Variants in KCNJ3 observed in about 807,000 individuals in gnomAD.
KCNJ3 encodes G protein-activated inward rectifier potassium channel 1.
A neutral mutation model predicts 39.2 loss-of-function variants in KCNJ3; 4 were observed. That is an observed-to-expected ratio of 0.10 (90% CI 0.05 to 0.23). The LOEUF is 0.23. Ranked by LOEUF, KCNJ3 falls within the 10% of genes least tolerant of loss-of-function variation. The probability of loss-of-function intolerance (pLI) is 1.00; values close to 1 mark genes in which losing one functional copy is unlikely to be tolerated. For missense variants in KCNJ3, 276 were observed against 634.9 expected (o/e 0.43, Z 6.08); for synonymous variants, 230 against 237.4 (o/e 0.97, Z 0.29).
In KCNJ3 at chr2:154,699,113, A is replaced by G. The variant is rs774894373; in HGVS notation, c.338A>G (p.Asn113Ser). Residue 113 changes from asparagine (N) to serine (S), a missense_variant, in exon 1 of 3, where the codon AAC becomes AGC. Coordinates refer to ENST00000295101, the MANE Select transcript of KCNJ3 (RefSeq NM_002239.4). This position sits in a 1 kb window ranked among gnomAD's most constrained non-coding sequence, Gnocchi z 6.4. ...ATCGCCTACACTCGGGGCGACCTGA[A>G]CAAAGCCCACGTCGGTAACTACACG... The part of the protein sequence containing the change: ...WVIAYTRGDL[N>S]KAHVGNYTPC... 1.9e-6 allele frequency: 3 copies of G among 1,614,112 alleles called. No individual in the cohort carries two copies. In the African/African-American group the frequency reaches 4.0e-5, roughly 22 times the overall value.
At chr2:154,790,473 T>C (rs182595363) in intron 2 of KCNJ3, among the ~76,000 whole-genome samples, 47 of 152,216 alleles carry the variant, frequency 3.1e-4, no homozygotes, top group Admixed American at 9.8e-4. Context: ...CTTGAACTCA[T>C]CTGAGGCTTC....
chr2:154,703,127 A>G (rs1269735445), intron 1 of KCNJ3, among the ~76,000 whole-genome samples: 1 of 116,448 alleles, frequency 8.6e-6, no homozygotes, highest in African/African-American at 3.3e-5. Flanking sequence ...GCAAGAATTA[A>G]TTACTATTCT....
chr2:154,721,803 T>A (rs1264205029), intron 2 of KCNJ3, among the ~76,000 whole-genome samples: 1 of 152,194 alleles, frequency 6.6e-6, no homozygotes, highest in East Asian at 1.9e-4. Context: ...GAAACTGTGA[T>A]TCATTGAGAT....
chr2:154,836,624 T>C (rs2961968), intron 2 of KCNJ3, among the ~76,000 whole-genome samples: 28,923 of 152,084 alleles, frequency 0.19, 3,208 homozygotes, highest in East Asian at 0.4. Flanking sequence ...AAATAATATA[T>C]ATTTGTGATT....
chr2:154,756,740 C>G (rs958250732), intron 2 of KCNJ3, among the ~76,000 whole-genome samples: 1 of 151,926 alleles, frequency 6.6e-6, no homozygotes, highest in African/African-American at 2.4e-5. Context: ...TGCACATGTA[C>G]CCCGGAACTT....
intron 2 of KCNJ3, among the ~76,000 whole-genome samples, chr2:154,712,929 G>T (rs1408902703): frequency 6.6e-6 from 1 of 152,078 alleles, no homozygotes; most frequent in Non-Finnish European, 1.5e-5. Context: ...GTCCAGTCTG[G>T]GGGAAGAGCG....
At chr2:154,782,351 C>T in intron 2 of KCNJ3, among the ~76,000 whole-genome samples, 1 of 152,082 alleles carries the variant, frequency 6.6e-6, no homozygotes, top group East Asian at 1.9e-4. Flanking sequence ...TGAGTTAATA[C>T]ATTTAAGGTA....
intron 2 of KCNJ3, among the ~76,000 whole-genome samples, chr2:154,788,768 AGTT>A (rs1435547257): frequency 1.3e-5 from 2 of 148,808 alleles, no homozygotes; most frequent in African/African-American, 5.0e-5. Flanking sequence ...TGTGAGTGTG[AGTT>A]GTTTTTTTTT....
intron 2 of KCNJ3, among the ~76,000 whole-genome samples, chr2:154,767,980 G>A (rs1427232528): frequency 6.6e-6 from 1 of 152,192 alleles, no homozygotes; most frequent in Non-Finnish European, 1.5e-5. Context: ...CTGCATAAAT[G>A]TCTTCTTTTG....
chr2:154,782,926 C>T (rs944558377), intron 2 of KCNJ3, among the ~76,000 whole-genome samples: 1 of 152,230 alleles, frequency 6.6e-6, no homozygotes, highest in Admixed American at 6.5e-5. Context: ...CCTGTAGTCC[C>T]AGTACTTTGG....
At chr2:154,802,637 T>C (rs1352026730) in intron 2 of KCNJ3, among the ~76,000 whole-genome samples, 2 of 152,266 alleles carry the variant, frequency 1.3e-5, no homozygotes, top group Admixed American at 6.5e-5. Flanking sequence ...ATAATTTACA[T>C]TCCCAGTTCT....
rs1302823249 is a variant in KCNJ3, at chr2:154,699,827, T to C, written c.702+350T>C. Among the ~76,000 whole-genome samples the C allele has an allele frequency of 6.6e-6, 1 of 152,214 alleles. No individual in the cohort carries two copies. The highest frequency in any genetic ancestry group is 2.4e-5 in the African/African-American group (1 of 41,474). ...GTTGCTTCGCTATTCAGAGCGATTT[T>C]ATTTGTTGTCTACACACTACCCCAT... On this transcript the variant is annotated intron_variant, in intron 1 of 2. Transcript: ENST00000295101. The surrounding 1 kb of genome is among the most constrained non-coding windows in gnomAD (Gnocchi z 6.4).
intron 2 of KCNJ3, among the ~76,000 whole-genome samples, chr2:154,802,383 T>C (rs2105217468): frequency 6.6e-6 from 1 of 152,308 alleles, no homozygotes; most frequent in Middle Eastern, 3.4e-3. Flanking sequence ...CCTGATATTA[T>C]GGTCCCTGCC....
At chr2:154,843,119 TA>T (rs1384625675) in intron 2 of KCNJ3, among the ~76,000 whole-genome samples, 1 of 152,214 alleles carries the variant, frequency 6.6e-6, no homozygotes, top group African/African-American at 2.4e-5. Flanking sequence ...GGAGCTCTTG[TA>T]GGGCAGGCCT....
At chr2:154,733,736 C>T (rs1214262009) in intron 2 of KCNJ3, among the ~76,000 whole-genome samples, 1 of 152,132 alleles carries the variant, frequency 6.6e-6, no homozygotes, top group Admixed American at 6.5e-5. Flanking sequence ...TATTCACCCC[C>T]ATTGCTAGCC....
chr2:154,738,470 C>CA (rs1412387221), intron 2 of KCNJ3, among the ~76,000 whole-genome samples: 1 of 152,034 alleles, frequency 6.6e-6, no homozygotes, highest in Non-Finnish European at 1.5e-5. Flanking sequence ...ATGGATACCC[C>CA]ATTCTCTATG....
At chr2:154,705,928 T>C (rs1685001287) in intron 1 of KCNJ3, among the ~76,000 whole-genome samples, 1 of 152,132 alleles carries the variant, frequency 6.6e-6, no homozygotes, top group Non-Finnish European at 1.5e-5. Flanking sequence ...AAGTAGAAGT[T>C]GTATGGAAGT....
chr2:154,812,103 T>C (rs1445651), intron 2 of KCNJ3, among the ~76,000 whole-genome samples: 104,041 of 152,066 alleles, frequency 0.68, 37,236 homozygotes, highest in East Asian at 0.94. Context: ...ATGTTTAAGA[T>C]GCATTTTAAG....
intron 2 of KCNJ3, among the ~76,000 whole-genome samples, chr2:154,843,053 A>G (rs1428657805): frequency 1.3e-5 from 2 of 152,090 alleles, no homozygotes; most frequent in Non-Finnish European, 2.9e-5. Context: ...TACAATTTAC[A>G]TGTTTTTGCA....
Sources: allele counts gnomAD v4.1 joint callset (sites outside exome capture counted in the v4.1 genomes callset), GRCh38; gene constraint gnomAD v4.1.1; non-coding constraint Gnocchi (gnomAD v3.1); transcripts MANE v1.5; gene names NCBI Gene and HGNC (gene_info 2026-07-23, HGNC 2026-07-21).